DGKI: variants seen among roughly 807,000 people sequenced by gnomAD.
DGKI encodes diacylglycerol kinase iota.
A neutral mutation model predicts 147.5 loss-of-function variants in DGKI; 55 were observed. That is an observed-to-expected ratio of 0.37 (90% CI 0.30 to 0.47). DGKI has a LOEUF of 0.47. DGKI is among the 20% of genes least tolerant of loss of function. The probability of loss-of-function intolerance (pLI) is 1.00; values close to 1 mark genes in which losing one functional copy is unlikely to be tolerated. For missense variants in DGKI, 1,007 were observed against 1,323.8 expected (o/e 0.76, Z 3.71); for synonymous variants, 469 against 477.1 (o/e 0.98, Z 0.22).
Position 137,630,985 on chromosome 7 carries a change from G to T in DGKI, c.805-7431C>A, listed in dbSNP as rs532119047. ...ATGCTAATAATATTCACAAAGCAGG[G>T]TTTTTTTTGAAAAAAAGACTAGTTA... On this transcript the variant is annotated intron_variant, in intron 6 of 32. Coordinates refer to ENST00000614521, the MANE Select transcript of DGKI (RefSeq NM_001321708.2). Among the ~76,000 whole-genome samples, 43 of 151,464 alleles carry T rather than the reference G, an allele frequency of 2.8e-4. 1 individual carries two copies. In the South Asian group the frequency reaches 6.5e-3, roughly 23 times the overall value.
At position 137,399,141 on chromosome 7, in the gene DGKI, T is replaced by G. The variant is rs186731956; in HGVS notation, c.2921-1728A>C. Among the ~76,000 whole-genome samples, 153 of 152,172 alleles carry G rather than the reference T, an allele frequency of 1.0e-3. 2 individuals carry two copies. Among genetic ancestry groups the G allele is most frequent in the Middle Eastern group, 3.4e-3 (1 of 294 alleles). The stretch of plus-strand genomic sequence containing the variant: ...CTTCAAAGGCTAGTCTGTGACAAGG[T>G]CCTCTCAAAAGATGACCTTTGACAG... On this transcript the variant is annotated intron_variant, in intron 30 of 32. Transcript: ENST00000614521.
At chr7:137,587,008 A>G in intron 13 of DGKI, 89 bp downstream of exon 13, 1 of 940,950 alleles carries the variant, frequency 1.1e-6, no homozygotes, top group Non-Finnish European at 1.5e-6. Flanking sequence ...CAGCAGCAGC[A>G]GTACCCCCCT....
intron 1 of DGKI, among the ~76,000 whole-genome samples, chr7:137,808,104 T>C (rs926754761): frequency 1.3e-5 from 2 of 152,096 alleles, no homozygotes; most frequent in Non-Finnish European, 1.5e-5. Flanking sequence ...CATGTTGATA[T>C]TGGTGTGTTT....
intron 10 of DGKI, among the ~76,000 whole-genome samples, chr7:137,600,471 G>C (rs899928419): frequency 1.3e-5 from 2 of 152,054 alleles, no homozygotes; most frequent in African/African-American, 4.8e-5. Flanking sequence ...AGAATACCCA[G>C]TTTGCAGACT....
chr7:137,777,709 T>C (rs1004181847), intron 1 of DGKI, among the ~76,000 whole-genome samples: 10 of 152,262 alleles, frequency 6.6e-5, no homozygotes, highest in Non-Finnish European at 1.5e-4. Context: ...AGAATTCTTC[T>C]ATTTATATAC....
intron 1 of DGKI, among the ~76,000 whole-genome samples, chr7:137,812,414 G>A (rs924524457): frequency 1.1e-4 from 16 of 152,142 alleles, no homozygotes; most frequent in Non-Finnish European, 1.8e-4. Context: ...TTTAACTGTA[G>A]CAAAGCTTAC....
At chr7:137,814,688 A>G (rs1797688145) in intron 1 of DGKI, among the ~76,000 whole-genome samples, 1 of 152,182 alleles carries the variant, frequency 6.6e-6, no homozygotes, top group Admixed American at 6.5e-5. Flanking sequence ...ACCTGGCACA[A>G]ACATTGAGGT....
chr7:137,439,172 A>G (rs1345873405), intron 28 of DGKI, among the ~76,000 whole-genome samples: 1 of 152,218 alleles, frequency 6.6e-6, no homozygotes, highest in East Asian at 1.9e-4. Flanking sequence ...CATTTTATAT[A>G]TTTTATGAAT....
intron 1 of DGKI, among the ~76,000 whole-genome samples, chr7:137,728,870 T>C (rs1794789706): frequency 1.3e-5 from 2 of 152,264 alleles, no homozygotes; most frequent in South Asian, 4.1e-4. Context: ...TTATCTACTA[T>C]GATTGATTTT....
At chr7:137,489,520 C>T (rs939593380) in intron 21 of DGKI, among the ~76,000 whole-genome samples, 1 of 152,008 alleles carries the variant, frequency 6.6e-6, no homozygotes. Flanking sequence ...ATAAGGAGAT[C>T]TCCTAAAAAT....
chr7:137,681,562 C>T (rs1279177087), intron 2 of DGKI, among the ~76,000 whole-genome samples: 1 of 152,168 alleles, frequency 6.6e-6, no homozygotes, highest in African/African-American at 2.4e-5. Context: ...ATTTATTCAA[C>T]AATTCTTTAT....
chr7:137,790,976 G>A (rs761448219), intron 1 of DGKI, among the ~76,000 whole-genome samples: 9 of 152,152 alleles, frequency 5.9e-5, no homozygotes, highest in Non-Finnish European at 1.0e-4. Flanking sequence ...ACAGTCCAAA[G>A]GATAATTTTT....
chr7:137,545,885 T>G (rs1433604360), intron 20 of DGKI: 3 of 700,802 alleles, frequency 4.3e-6, no homozygotes, highest in African/African-American at 1.7e-5. Flanking sequence ...AGAAACAGAA[T>G]GGCACTGTAC....
chr7:137,524,400 T>A (rs946973749), intron 20 of DGKI, among the ~76,000 whole-genome samples: 1 of 152,142 alleles, frequency 6.6e-6, no homozygotes, highest in Non-Finnish European at 1.5e-5. Context: ...GGAATTAATA[T>A]AGTTATTTTA....
chr7:137,829,707 C>T (rs921759423), intron 1 of DGKI, among the ~76,000 whole-genome samples: 2 of 152,178 alleles, frequency 1.3e-5, no homozygotes, highest in African/African-American at 4.8e-5. Flanking sequence ...AAAATGCTGT[C>T]CTCTGGATAA....
At chr7:137,526,248 A>T (rs834091) in intron 20 of DGKI, among the ~76,000 whole-genome samples, 1 of 151,990 alleles carries the variant, frequency 6.6e-6, no homozygotes, top group Non-Finnish European at 1.5e-5. Context: ...CTTCCTGCCA[A>T]CATCTGCCAC....
chr7:137,688,614 G>A (rs532829350), intron 2 of DGKI, among the ~76,000 whole-genome samples: 10 of 152,280 alleles, frequency 6.6e-5, no homozygotes, highest in South Asian at 6.2e-4. Context: ...TTGGAACATC[G>A]TGAATATCAA....
chr7:137,728,575 G>A (rs896130057), intron 1 of DGKI, among the ~76,000 whole-genome samples: 4 of 152,076 alleles, frequency 2.6e-5, no homozygotes, highest in African/African-American at 9.7e-5. Context: ...GTGACATCAG[G>A]CTCACATAGC....
chr7:137,577,662 A>G (rs1819031603), intron 16 of DGKI, among the ~76,000 whole-genome samples: 1 of 152,188 alleles, frequency 6.6e-6, no homozygotes, highest in Non-Finnish European at 1.5e-5. Flanking sequence ...TGACTTCCAT[A>G]AACTACGTAT....
Sources: allele counts gnomAD v4.1 joint callset (sites outside exome capture counted in the v4.1 genomes callset), GRCh38; gene constraint gnomAD v4.1.1; transcripts MANE v1.5; gene names NCBI Gene and HGNC (gene_info 2026-07-23, HGNC 2026-07-21).